Variants in ROR2 observed in about 807,000 individuals in gnomAD.
ROR2 encodes tyrosine-protein kinase transmembrane receptor ROR2.
A neutral mutation model predicts 74.9 loss-of-function variants in ROR2; 33 were observed. The observed-to-expected ratio is 0.44, with a 90% CI of 0.33 to 0.59. ROR2 has a LOEUF of 0.59. Among genes scored for constraint, ROR2 ranks in the 20% least tolerant of loss-of-function variants. The pLI is 0.02. For synonymous variants in ROR2, 586 were observed against 558.7 expected, an observed-to-expected ratio of 1.05 and a Z score of -0.69; for missense variants, 1,216 against 1,313.8, an observed-to-expected ratio of 0.93 and a Z score of 1.15.
intron 1 of ROR2, among the ~76,000 whole-genome samples, chr9:91,930,903 A>G (rs1831533589): frequency 6.6e-6 from 1 of 152,246 alleles, no homozygotes; most frequent in Non-Finnish European, 1.5e-5. Context: ...TTATCAGAGC[A>G]TGAACTGGTG....
chr9:91,934,702 T>C (rs1831637394), intron 1 of ROR2, among the ~76,000 whole-genome samples: 1 of 152,194 alleles, frequency 6.6e-6, no homozygotes. Flanking sequence ...TTTAAAATTA[T>C]TATTTTCTTA....
intron 2 of ROR2, among the ~76,000 whole-genome samples, chr9:91,758,980 A>G (rs895731190): frequency 1.3e-5 from 2 of 152,268 alleles, no homozygotes; most frequent in Non-Finnish European, 2.9e-5. Context: ...CATCAGACAA[A>G]GCTAAAACAA....
intron 1 of ROR2, among the ~76,000 whole-genome samples, chr9:91,875,612 G>A (rs984679550): frequency 2.6e-5 from 4 of 152,172 alleles, no homozygotes; most frequent in Admixed American, 6.5e-5. Flanking sequence ...GTCACAAGAC[G>A]TGCCAAGATA....
At chr9:91,911,928 C>G (rs1162297734) in intron 1 of ROR2, among the ~76,000 whole-genome samples, 13 of 59,410 alleles carry the variant, frequency 2.2e-4, no homozygotes, top group African/African-American at 1.6e-3. Flanking sequence ...TTACCTGAGT[C>G]TAAGCAAAAA....
At chr9:91,908,496 C>T (rs1321121802) in intron 1 of ROR2, among the ~76,000 whole-genome samples, 1 of 147,458 alleles carries the variant, frequency 6.8e-6, no homozygotes, top group African/African-American at 2.7e-5. Context: ...GACCTTATAA[C>T]CATTAACTCA....
At chr9:91,747,123 C>T (rs1435680429) in intron 4 of ROR2, among the ~76,000 whole-genome samples, 1 of 152,192 alleles carries the variant, frequency 6.6e-6, no homozygotes, top group Non-Finnish European at 1.5e-5. Context: ...GGCAGCCTAG[C>T]ATTAATCTCC....
At chr9:91,907,427 G>T (rs149566721) in intron 1 of ROR2, among the ~76,000 whole-genome samples, 198 of 152,314 alleles carry the variant, frequency 1.3e-3, no homozygotes, top group African/African-American at 4.5e-3. Flanking sequence ...GGGGCAAGGG[G>T]ATCTGGGTGA....
chr9:91,807,870 C>G (rs1026757433), intron 1 of ROR2, among the ~76,000 whole-genome samples: 2 of 152,086 alleles, frequency 1.3e-5, no homozygotes, highest in African/African-American at 4.8e-5. Flanking sequence ...CGACCCTCTC[C>G]AAGCTGATCT....
At position 91,839,277 on chromosome 9, in the gene ROR2, T is replaced by TGTGTGTGTGTAAGTACAGGC. The variant is rs1554681716; in HGVS notation, c.98-63460_98-63459insGCCTGTACTTACACACACAC. Reference sequence around the variant, plus strand: ...GTGTGTGTGTGTGTGTGTGTGTGTGTGTGTGTGTGTGTGTGTGTAAGTACA... The same window carrying TGTGTGTGTGTAAGTACAGGC: ...GTGTGTGTGTGTGTGTGTGTGTGTGTGTGTGTGTGTAAGTACAGGCGTGTGTGTGTGTGTGTGTAAGTACA... On this transcript the variant is annotated intron_variant, in intron 1 of 8. Transcript: ENST00000375708. Among the ~76,000 whole-genome samples the TGTGTGTGTGTAAGTACAGGC allele has an allele frequency of 2.7e-3, 390 of 145,212 alleles. 2 individuals are homozygous for TGTGTGTGTGTAAGTACAGGC. The highest frequency in any genetic ancestry group is 1.0e-2 in the African/African-American group (365 of 36,604).
intron 4 of ROR2, among the ~76,000 whole-genome samples, chr9:91,740,310 A>G (rs1825178152): frequency 6.6e-6 from 1 of 152,232 alleles, no homozygotes; most frequent in Admixed American, 6.5e-5. Flanking sequence ...GCACTTTGGG[A>G]GGCCAAGGTG....
chr9:91,829,317 T>G (rs988925503), intron 1 of ROR2, among the ~76,000 whole-genome samples: 2 of 152,004 alleles, frequency 1.3e-5, no homozygotes, highest in Non-Finnish European at 2.9e-5. Flanking sequence ...CTGAGGCAGA[T>G]GAATTGCCTG....
At chr9:91,863,280 T>TCC (rs1232483337) in intron 1 of ROR2, among the ~76,000 whole-genome samples, 1 of 152,102 alleles carries the variant, frequency 6.6e-6, no homozygotes, top group Non-Finnish European at 1.5e-5. Flanking sequence ...CCCGCCTTGG[T>TCC]CCCCCGAAGT....
intron 1 of ROR2, among the ~76,000 whole-genome samples, chr9:91,781,275 A>C (rs1017708893): frequency 5.9e-5 from 9 of 152,238 alleles, no homozygotes; most frequent in Non-Finnish European, 1.2e-4. Context: ...ACACCCCCTG[A>C]ATGAATGGCA....
At position 91,757,380 on chromosome 9, in the gene ROR2, G is replaced by A. The variant is rs121909087; in HGVS notation, c.355C>T (p.Arg119Ter). The A allele has an allele frequency of 1.2e-6, 2 of 1,613,900 alleles. No homozygotes were observed. The highest frequency in any genetic ancestry group is 1.7e-6 in the Non-Finnish European group (2 of 1,180,002). The change falls in exon 3 of 9, where the codon CGA becomes TGA. Residue 119 changes from arginine (R) to a stop codon, truncating the protein, a stop_gained. Coordinates refer to ENST00000375708, the MANE Select transcript of ROR2 (RefSeq NM_004560.4). LOFTEE classifies it high-confidence loss of function. ...IIIRKTEYGSRLRIQDLDTTD... is the reference protein window; with the variant it reads ...IIIRKTEYGS Reference sequence around the variant, plus strand: ...GTGTCCAGGTCCTGGATTCGCAGTCGTGAACCATATTCTGTCTTCCGGATG... The same window carrying A: ...GTGTCCAGGTCCTGGATTCGCAGTCATGAACCATATTCTGTCTTCCGGATG...
At chr9:91,782,118 C>T (rs959010887) in intron 1 of ROR2, among the ~76,000 whole-genome samples, 14 of 152,290 alleles carry the variant, frequency 9.2e-5, no homozygotes, top group African/African-American at 2.9e-4. Context: ...GGCCAAATGC[C>T]GCACCTCCAC....
At chr9:91,813,071 T>C (rs1159316493) in intron 1 of ROR2, among the ~76,000 whole-genome samples, 4 of 152,106 alleles carry the variant, frequency 2.6e-5, no homozygotes, top group Non-Finnish European at 5.9e-5. Flanking sequence ...ACAACAGCCC[T>C]GCCAGGGTGC....
Position 91,730,957 on chromosome 9 carries a change from G to A in ROR2, c.1136C>T (p.Thr379Met), listed in dbSNP as rs1471365749. ...GGQMEGPWCF[T>M]QNKNVRMELC... is the part of the protein sequence containing the mutation. ...TTCCATGCGTACGTTTTTATTCTGC[G>A]TAAAGCACCAGGGGCCCTCCATCTG... Residue 379 changes from threonine to methionine, a missense_variant, in exon 7 of 9, where the codon ACG becomes ATG. By Grantham distance (81) the Thr-to-Met change is moderately conservative. Coordinates refer to ENST00000375708, the MANE Select transcript of ROR2 (RefSeq NM_004560.4). 3 of 1,614,164 alleles carry A rather than the reference G, an allele frequency of 1.9e-6. No individual in the cohort carries two copies. Among genetic ancestry groups the A allele is most frequent in the Non-Finnish European group, 2.5e-6 (3 of 1,180,022 alleles).
At chr9:91,795,637 A>G (rs1234444470) in intron 1 of ROR2, among the ~76,000 whole-genome samples, 2 of 152,202 alleles carry the variant, frequency 1.3e-5, no homozygotes, top group African/African-American at 2.4e-5. Flanking sequence ...ATAAACTCAT[A>G]AATCATGGTT....
At chr9:91,889,141 G>A (rs1830360720) in intron 1 of ROR2, among the ~76,000 whole-genome samples, 1 of 152,172 alleles carries the variant, frequency 6.6e-6, no homozygotes, top group Non-Finnish European at 1.5e-5. Context: ...CCAGTAAGAG[G>A]ATTCCACAGT....
Sources: gnomAD v4.1 joint callset for allele counts (sites outside exome capture counted in the v4.1 genomes callset) on GRCh38, gnomAD v4.1.1 for gene constraint, MANE v1.5 for transcripts, NCBI Gene and HGNC (gene_info 2026-07-23, HGNC 2026-07-21) for gene names.